Variants in STRN observed in about 807,000 individuals in gnomAD.
STRN encodes protein phosphatase 2 regulatory subunit B'''alpha.
In STRN, 53 loss-of-function variants were observed where a neutral mutation model predicts 96.3. That is an observed-to-expected ratio of 0.55 (90% CI 0.44 to 0.69). STRN has a LOEUF of 0.69. Ranked by LOEUF, STRN falls within the 30% of genes least tolerant of loss-of-function variation. STRN has a pLI of 0.00. For synonymous variants in STRN, 428 were observed against 355.9 expected (o/e 1.20, Z -2.28); for missense variants, 987 against 963.9 (o/e 1.02, Z -0.32).
intron 3 of STRN, among the ~76,000 whole-genome samples, chr2:36,912,371 T>A (rs183697308): frequency 6.6e-6 from 1 of 152,304 alleles, no homozygotes; most frequent in Non-Finnish European, 1.5e-5. Context: ...CCCACTTTAT[T>A]TCTGCCCTCA....
chr2:36,925,831 T>C (rs1178573167), intron 1 of STRN, among the ~76,000 whole-genome samples: 1 of 152,122 alleles, frequency 6.6e-6, no homozygotes, highest in Non-Finnish European at 1.5e-5. Context: ...TACAGTACAG[T>C]TTGCTAAAGT....
chr2:36,878,544 G>A (rs959979145), intron 9 of STRN, among the ~76,000 whole-genome samples: 1 of 152,064 alleles, frequency 6.6e-6, no homozygotes, highest in Admixed American at 6.5e-5. Context: ...CTGCCGGCCA[G>A]AAGAGGGGTA....
At position 36,917,671 on chromosome 2, in the gene STRN, TAGAC is replaced by T. The variant is rs201742239; in HGVS notation, c.339-1524_339-1521del. 4.8e-3 allele frequency among the ~76,000 whole-genome samples: 729 copies of T among 152,254 alleles called. 2 individuals carry two copies. The highest frequency in any genetic ancestry group is 0.01 in the African/African-American group (433 of 41,560). ...GCAGTCACAACAGAAAAAAAAGTTT[TAGAC>T]AGAGAGGAATTCTAAGAAAACCTAT... On this transcript the variant is annotated intron_variant, in intron 2 of 17. Transcript: ENST00000263918.
Position 36,857,931 on chromosome 2 carries a change from A to T in STRN, c.1762T>A (p.Ser588Thr). The T allele has an allele frequency of 1.2e-6, 2 of 1,614,130 alleles. No individual in the cohort carries two copies. The highest frequency in any genetic ancestry group is 1.7e-6 in the Non-Finnish European group (2 of 1,180,002). ...SAAHQRLLSC[S>T]ADGTLRLWNT... The stretch of plus-strand genomic sequence containing the variant: ...CATAAACGCAGAGTGCCATCTGCTG[A>T]ACAGGACAACAAACGCTGATGTGCT... Residue 588 changes from serine to threonine, a missense_variant, in exon 14 of 18, where the codon TCA (serine) becomes ACA (threonine). Transcript: ENST00000263918.
intron 1 of STRN, among the ~76,000 whole-genome samples, chr2:36,928,276 G>A (rs558501481): frequency 6.6e-6 from 1 of 152,074 alleles, no homozygotes; most frequent in Non-Finnish European, 1.5e-5. Flanking sequence ...GAATTGAATT[G>A]AGGAAGGGCG....
chr2:36,935,884 A>AT (rs948799225), intron 1 of STRN, among the ~76,000 whole-genome samples: 2 of 152,206 alleles, frequency 1.3e-5, no homozygotes, highest in East Asian at 1.9e-4. Flanking sequence ...ACCTTTGAAC[A>AT]TTTTTTTAAT....
At chr2:36,858,585 G>GGGGAAGA (rs1474901029) in intron 13 of STRN, among the ~76,000 whole-genome samples, 2 of 152,204 alleles carry the variant, frequency 1.3e-5, no homozygotes, top group African/African-American at 4.8e-5. Context: ...AGTGTATGCA[G>GGGGAAGA]GGGAAGAGGG....
chr2:36,910,992 G>A (rs993331853), intron 3 of STRN, among the ~76,000 whole-genome samples: 2 of 152,096 alleles, frequency 1.3e-5, no homozygotes, highest in African/African-American at 2.4e-5. Context: ...AAAATGTCTG[G>A]TTATCAGTTT....
chr2:36,842,825 G>A lies in STRN; in HGVS notation c.*6631C>T, dbSNP rs1486591935. ...AGCCGTATGTCAGTGCTTCCTTAGAGAACTGGAGTGTTCTGGTCATCCTGA... is the reference window on the plus strand; with the variant it reads ...AGCCGTATGTCAGTGCTTCCTTAGAAAACTGGAGTGTTCTGGTCATCCTGA... On this transcript the variant is annotated 3_prime_UTR_variant, in exon 18 of 18. Transcript: ENST00000263918. 6.6e-6 allele frequency among the ~76,000 whole-genome samples: 1 copy of A among 152,154 alleles called. No homozygotes were observed. The highest frequency in any genetic ancestry group is 1.5e-5 in the Non-Finnish European group (1 of 68,030).
intron 9 of STRN, among the ~76,000 whole-genome samples, chr2:36,880,531 G>C (rs1311028485): frequency 6.6e-6 from 1 of 152,122 alleles, no homozygotes; most frequent in Non-Finnish European, 1.5e-5. Flanking sequence ...CATAAATTAA[G>C]ACATTATCAA....
At chr2:36,876,234 G>A (rs1055202204) in intron 10 of STRN, among the ~76,000 whole-genome samples, 5 of 151,160 alleles carry the variant, frequency 3.3e-5, no homozygotes, top group African/African-American at 1.2e-4. Flanking sequence ...TCAAGCCACT[G>A]CACTCCAGCC....
chr2:36,903,796 C>A (rs1669749849), intron 4 of STRN, among the ~76,000 whole-genome samples: 1 of 152,098 alleles, frequency 6.6e-6, no homozygotes. Context: ...ATAGAAAGGT[C>A]TCGATTAAAA....
At chr2:36,864,474 C>G (rs968860601) in intron 12 of STRN, among the ~76,000 whole-genome samples, 3 of 152,136 alleles carry the variant, frequency 2.0e-5, no homozygotes, top group Non-Finnish European at 4.4e-5. Flanking sequence ...TTTGTGTATA[C>G]TGAACTAACC....
chr2:36,926,086 G>C (rs1670401450), intron 1 of STRN, among the ~76,000 whole-genome samples: 1 of 152,150 alleles, frequency 6.6e-6, no homozygotes, highest in African/African-American at 2.4e-5. Flanking sequence ...GTTGGGAAAA[G>C]GAAAATTAGA....
intron 1 of STRN, among the ~76,000 whole-genome samples, chr2:36,952,392 G>A (rs1395454886): frequency 6.7e-6 from 1 of 149,428 alleles, no homozygotes; most frequent in East Asian, 2.0e-4. Flanking sequence ...AAATTCACCA[G>A]GCAAACAAGG....
Position 36,946,565 on chromosome 2 carries a change from G to A in STRN, c.234+19665C>T, listed in dbSNP as rs572851168. 2.0e-5 allele frequency among the ~76,000 whole-genome samples: 3 copies of A among 152,174 alleles called. No homozygotes were observed. In the South Asian group the frequency reaches 6.2e-4, roughly 32 times the overall value. On this transcript the variant is annotated intron_variant, in intron 1 of 17. Coordinates refer to ENST00000263918, the MANE Select transcript of STRN (RefSeq NM_003162.4). Reference sequence around the variant, plus strand: ...CGCAAGCTCAATAAAAATCCCACGTGTGTGTGTGTATACAGAAAATGTGGT... The same window carrying A: ...CGCAAGCTCAATAAAAATCCCACGTATGTGTGTGTATACAGAAAATGTGGT...
rs1667860505 is a variant in STRN, at chr2:36,838,005, A to T, written c.*11451T>A. On this transcript the variant is annotated 3_prime_UTR_variant, in exon 18 of 18. Coordinates refer to ENST00000263918, the MANE Select transcript of STRN (RefSeq NM_003162.4). ...ATGTTACTTCCATGGTTGATGTTAC[A>T]TTGCAGGGCAGAGGGACTTGGCAGA... Among the ~76,000 whole-genome samples, 1 of 152,232 alleles carries T rather than the reference A, an allele frequency of 6.6e-6. No homozygotes were observed. Among genetic ancestry groups the T allele is most frequent in the South Asian group, 2.1e-4 (1 of 4,832 alleles).
chr2:36,859,078 G>C (rs1480107003), intron 13 of STRN, among the ~76,000 whole-genome samples: 1 of 152,204 alleles, frequency 6.6e-6, no homozygotes, highest in African/African-American at 2.4e-5. Flanking sequence ...CTGGAGTGTG[G>C]ACTTTGAAAT....
intron 5 of STRN, 53 bp from the exon 6 acceptor site, chr2:36,899,711 A>G: frequency 6.7e-7 from 1 of 1,481,746 alleles, no homozygotes; most frequent in Admixed American, 2.4e-5. Flanking sequence ...CTTCGACATA[A>G]GAAGTAACCC....
Sources: allele counts gnomAD v4.1 joint callset (sites outside exome capture counted in the v4.1 genomes callset), GRCh38; gene constraint gnomAD v4.1.1; transcripts MANE v1.5; gene names NCBI Gene and HGNC (gene_info 2026-07-23, HGNC 2026-07-21).